SLC44A5: variants seen among roughly 807,000 people sequenced by gnomAD.
SLC44A5 encodes solute carrier family 44 member 5.
A neutral mutation model predicts 101.8 loss-of-function variants in SLC44A5; 57 were observed. The observed-to-expected ratio is 0.56, with a 90% CI of 0.45 to 0.70. The LOEUF is 0.70. SLC44A5 is among the 30% of genes least tolerant of loss of function. The pLI is 0.00. For synonymous variants in SLC44A5, 281 were observed against 290.9 expected (o/e 0.97, Z 0.35); for missense variants, 737 against 853.1 (o/e 0.86, Z 1.70).
the SLC44A5 span, chr1:75,642,203 C>G: frequency 0.32 from 185,319 of 583,424 alleles, 33,497 homozygotes; most frequent in East Asian, 0.65. Context: ...AGGTCTGTGA[C>G]AGCTTGTTTC....
intron 1 of SLC44A5, among the ~76,000 whole-genome samples, chr1:75,575,854 T>C (rs1018038588): frequency 6.6e-6 from 1 of 152,122 alleles, no homozygotes; most frequent in Non-Finnish European, 1.5e-5. Flanking sequence ...GCCTGAACAA[T>C]GTCATTAACT....
intron 4 of SLC44A5, among the ~76,000 whole-genome samples, chr1:75,333,733 G>A (rs1249660): frequency 0.51 from 77,795 of 151,896 alleles, 21,117 homozygotes; most frequent in East Asian, 0.85. Flanking sequence ...TATTGATGAG[G>A]GCTCTGGAAA....
At chr1:75,306,795 A>T (rs1172742780) in intron 4 of SLC44A5, among the ~76,000 whole-genome samples, 1 of 124,112 alleles carries the variant, frequency 8.1e-6, no homozygotes, top group Non-Finnish European at 1.6e-5. Flanking sequence ...AGTGCAGTGG[A>T]GCAATCTCGG....
the SLC44A5 span, among the ~76,000 whole-genome samples, chr1:75,690,032 G>C: frequency 6.6e-6 from 1 of 152,072 alleles, no homozygotes; most frequent in African/African-American, 2.4e-5. Flanking sequence ...CCCCTAATCA[G>C]CAGGAAGTAG....
At chr1:75,570,052 G>T (rs987817923) in intron 1 of SLC44A5, among the ~76,000 whole-genome samples, 2 of 152,134 alleles carry the variant, frequency 1.3e-5, no homozygotes, top group Non-Finnish European at 1.5e-5. Flanking sequence ...AAGAAGCTGA[G>T]GTGTTTGTTC....
chr1:75,489,239 T>TA (rs1668310667), intron 2 of SLC44A5, among the ~76,000 whole-genome samples: 2 of 147,130 alleles, frequency 1.4e-5, no homozygotes, highest in Admixed American at 6.8e-5. Context: ...AGTAATTATT[T>TA]TAAAAAAAAC....
intron 5 of SLC44A5, among the ~76,000 whole-genome samples, chr1:75,299,655 T>C (rs1383557824): frequency 6.6e-6 from 1 of 152,218 alleles, no homozygotes; most frequent in South Asian, 2.1e-4. Flanking sequence ...TCCATTCATA[T>C]ACAATTGTGA....
At chr1:75,460,456 G>A (rs1666437721) in intron 2 of SLC44A5, among the ~76,000 whole-genome samples, 1 of 152,158 alleles carries the variant, frequency 6.6e-6, no homozygotes, top group African/African-American at 2.4e-5. Flanking sequence ...CATGGACAAA[G>A]TGAAACCTTT....
At chr1:75,688,585 G>A in the SLC44A5 span, among the ~76,000 whole-genome samples, 85 of 152,214 alleles carry the variant, frequency 5.6e-4, no homozygotes, top group East Asian at 0.013. Flanking sequence ...AATTAGACCT[G>A]CAGCTCATCC....
intron 1 of SLC44A5, among the ~76,000 whole-genome samples, chr1:75,569,135 C>G (rs1017137223): frequency 6.6e-6 from 1 of 152,024 alleles, no homozygotes; most frequent in Non-Finnish European, 1.5e-5. Context: ...ATTGACTTCC[C>G]TTTTACCCAA....
At chr1:75,259,212 G>A (rs1557588519) in intron 6 of SLC44A5, among the ~76,000 whole-genome samples, 1 of 152,122 alleles carries the variant, frequency 6.6e-6, no homozygotes, top group Non-Finnish European at 1.5e-5. Flanking sequence ...TTCAGAAGAT[G>A]GGTAATGACA....
At chr1:75,394,511 A>G (rs1662003168) in intron 3 of SLC44A5, among the ~76,000 whole-genome samples, 1 of 152,184 alleles carries the variant, frequency 6.6e-6, no homozygotes, top group Admixed American at 6.5e-5. Context: ...TTGCAAGAGC[A>G]AAGTCTTTGA....
intron 2 of SLC44A5, among the ~76,000 whole-genome samples, chr1:75,486,296 A>T (rs1029470224): frequency 6.6e-6 from 1 of 152,212 alleles, no homozygotes; most frequent in African/African-American, 2.4e-5. Context: ...GTAAGTCTCC[A>T]AGATAACTTC....
intron 2 of SLC44A5, among the ~76,000 whole-genome samples, chr1:75,452,756 T>C (rs956048918): frequency 6.6e-6 from 1 of 152,016 alleles, no homozygotes; most frequent in Admixed American, 6.6e-5. Flanking sequence ...TTACATCCGA[T>C]AAAACAGACT....
chr1:75,241,389 A>C (rs565998070), intron 9 of SLC44A5, among the ~76,000 whole-genome samples: 1 of 151,798 alleles, frequency 6.6e-6, no homozygotes, highest in South Asian at 2.1e-4. Context: ...ATGTCTCACT[A>C]ATTTCTTTTT....
intron 5 of SLC44A5, among the ~76,000 whole-genome samples, chr1:75,296,180 G>T (rs1055672931): frequency 4.6e-5 from 7 of 151,932 alleles, no homozygotes; most frequent in Admixed American, 2.0e-4. Flanking sequence ...TAAATTATCT[G>T]CATGTCAAGG....
At chr1:75,676,948 G>C in the SLC44A5 span, among the ~76,000 whole-genome samples, 1 of 152,162 alleles carries the variant, frequency 6.6e-6, no homozygotes, top group African/African-American at 2.4e-5. Flanking sequence ...TACAGGCCAG[G>C]AGAGAGTGGC....
the SLC44A5 span, among the ~76,000 whole-genome samples, chr1:75,640,653 G>A: frequency 1.3e-5 from 2 of 152,012 alleles, no homozygotes; most frequent in East Asian, 3.9e-4. Flanking sequence ...ATTTGTGCAT[G>A]CTATAGAAAT....
At chr1:75,411,225 A>G (rs78261919) in intron 2 of SLC44A5, among the ~76,000 whole-genome samples, 1 of 152,078 alleles carries the variant, frequency 6.6e-6, no homozygotes, top group Non-Finnish European at 1.5e-5. Flanking sequence ...ATTTAAGCAC[A>G]TTTAGAGAGT....
Sources: allele counts gnomAD v4.1 joint callset (sites outside exome capture counted in the v4.1 genomes callset), GRCh38; gene constraint gnomAD v4.1.1; transcripts MANE v1.5; gene names NCBI Gene and HGNC (gene_info 2026-07-23, HGNC 2026-07-21).